The following ACAD11 variants were observed in gnomAD, a reference collection of about 807,000 sequenced individuals.
ACAD11 encodes acyl-CoA dehydrogenase family member 11.
In ACAD11, 83 loss-of-function variants were observed where a neutral mutation model predicts 102.2. The observed-to-expected ratio is 0.81, with a 90% confidence interval of 0.68 to 0.97. ACAD11 has a LOEUF of 0.97. ACAD11 is among the 50% of genes least tolerant of loss of function. The pLI, the probability that ACAD11 is intolerant of heterozygous loss-of-function variation, is 0.00. For missense variants in ACAD11, 901 were observed against 951.7 expected, an observed-to-expected ratio of 0.95 and a Z score of 0.70; for synonymous variants, 324 against 319.8, an observed-to-expected ratio of 1.01 and a Z score of -0.14.
At chr3:132,637,994 A>G (rs1216859316) in intron 5 of ACAD11, among the ~76,000 whole-genome samples, 1 of 152,082 alleles carries the variant, frequency 6.6e-6, no homozygotes, top group Non-Finnish European at 1.5e-5. Context: ...CCCTACAACC[A>G]CTGTTTAGGT....
intron 17 of ACAD11, among the ~76,000 whole-genome samples, chr3:132,569,277 A>G (rs1458860732): frequency 6.6e-6 from 1 of 152,208 alleles, no homozygotes; most frequent in Non-Finnish European, 1.5e-5. Context: ...TAAAGCCACA[A>G]TGAGATATCA....
At chr3:132,647,159 A>G (rs1408217391) in intron 1 of ACAD11, 4 of 152,340 alleles carry the variant, frequency 2.6e-5, no homozygotes, top group Middle Eastern at 6.8e-3. Flanking sequence ...AAGTGGTTAT[A>G]ACAAAGACAA....
At chr3:132,627,701 GGTC>G (rs1939881543) in intron 8 of ACAD11, among the ~76,000 whole-genome samples, 1 of 152,162 alleles carries the variant, frequency 6.6e-6, no homozygotes, top group South Asian at 2.1e-4. Flanking sequence ...GACCTGTAAA[GGTC>G]ATTATGAAGC....
At chr3:132,600,678 T>C (rs1489446760) in intron 13 of ACAD11, 2 of 1,613,896 alleles carry the variant, frequency 1.2e-6, no homozygotes, top group South Asian at 1.1e-5. Flanking sequence ...CTATTCACTC[T>C]GCCTTTTTGG....
chr3:132,605,123 G>T lies in ACAD11; in HGVS notation c.1497C>A (p.Asn499Lys). ...CTGTCATACAGAAGCAAGAGGTAAT[G>T]TTCCCTTGAAGAAGAGGCTCAAGCC... ...KQWLEPLLQG[N>K]ITSCFCMTEP... Residue 499 changes from asparagine to lysine, a missense_variant, in exon 12 of 20, where the codon AAC becomes AAA. Coordinates refer to ENST00000264990, the MANE Select transcript of ACAD11 (RefSeq NM_032169.5). The T allele has an allele frequency of 1.2e-6, 2 of 1,613,168 alleles. No individual in the cohort carries two copies. The highest frequency in any genetic ancestry group is 1.7e-6 in the Non-Finnish European group (2 of 1,179,272).
intron 13 of ACAD11, among the ~76,000 whole-genome samples, chr3:132,595,041 C>A (rs1332829564): frequency 6.6e-6 from 1 of 152,142 alleles, no homozygotes; most frequent in Non-Finnish European, 1.5e-5. Context: ...TTACAGCAAT[C>A]ACAGCATAAA....
chr3:132,628,560 G>T, intron 7 of ACAD11, 114 bp from the exon 8 acceptor site: 17 of 663,718 alleles, frequency 2.6e-5, no homozygotes, highest in Non-Finnish European at 3.7e-5. Flanking sequence ...GTATGAAGAC[G>T]TAAAACAGAC....
At chr3:132,642,636 T>C in intron 3 of ACAD11, 41 bp downstream of exon 3, 1 of 1,550,186 alleles carries the variant, frequency 6.5e-7, no homozygotes, top group Middle Eastern at 1.8e-4. Flanking sequence ...ACTTCATAAT[T>C]AAAAGTAAAA....
intron 9 of ACAD11, among the ~76,000 whole-genome samples, chr3:132,619,798 CTAGA>C (rs1470747863): frequency 6.6e-6 from 1 of 152,018 alleles, no homozygotes; most frequent in African/African-American, 2.4e-5. Flanking sequence ...ATATGACAAA[CTAGA>C]TAGTCATAGA....
chr3:132,658,483 T>C (rs545589781), intron 1 of ACAD11, among the ~76,000 whole-genome samples: 1 of 152,336 alleles, frequency 6.6e-6, no homozygotes, highest in East Asian at 1.9e-4. Context: ...AACGTTACTA[T>C]CTCCTTTTTG....
intron 18 of ACAD11, among the ~76,000 whole-genome samples, chr3:132,560,607 A>G (rs1325083960): frequency 6.6e-6 from 1 of 151,796 alleles, no homozygotes; most frequent in Non-Finnish European, 1.5e-5. Context: ...GGGTCTCACT[A>G]TGTTGCCCAG....
At chr3:132,576,861 A>T (rs1258225795) in intron 16 of ACAD11, 83 bp downstream of exon 16, 2 of 1,032,782 alleles carry the variant, frequency 1.9e-6, no homozygotes, top group Admixed American at 4.4e-5. Flanking sequence ...TCAGGTCTAA[A>T]TCTGGAAAGA....
chr3:132,604,916 T>C, intron 12 of ACAD11, 182 bp downstream of exon 12: 1 of 482,724 alleles, frequency 2.1e-6, no homozygotes, highest in Non-Finnish European at 3.8e-6. Context: ...GAGAGGATCA[T>C]ATTTTTCTGA....
At chr3:132,623,445 C>G (rs1330360320) in intron 9 of ACAD11, among the ~76,000 whole-genome samples, 2 of 152,032 alleles carry the variant, frequency 1.3e-5, no homozygotes, top group African/African-American at 4.8e-5. Context: ...ACATGTTACA[C>G]AGAGATTTGT....
At chr3:132,658,850 T>G (rs1444964762) in intron 1 of ACAD11, among the ~76,000 whole-genome samples, 1 of 152,216 alleles carries the variant, frequency 6.6e-6, no homozygotes, top group East Asian at 1.9e-4. Flanking sequence ...ATTTCATTAA[T>G]AAGACTAATC....
chr3:132,624,328 C>T (rs959713344), intron 9 of ACAD11, among the ~76,000 whole-genome samples: 2 of 150,894 alleles, frequency 1.3e-5, no homozygotes, highest in African/African-American at 2.4e-5. Context: ...AAAAAAAGGC[C>T]GGGCGTGGTG....
Position 132,561,176 on chromosome 3 carries a change from A to C in ACAD11, c.2043T>G (p.Ile681Met). ...TCAGAGTCAACAAGCGGATCTTCTC[A>C]ATGGCAATGCGGCTTTCAGCAATCC... ...AHWIAESRIA[I>M]EKIRLLTLKA... Residue 681 changes from isoleucine to methionine, a missense_variant, in exon 18 of 20, where the codon ATT (isoleucine) becomes ATG (methionine). Coordinates refer to ENST00000264990, the MANE Select transcript of ACAD11 (RefSeq NM_032169.5). The C allele has an allele frequency of 6.2e-7, 1 of 1,613,518 alleles. No homozygotes were observed. Among genetic ancestry groups the C allele is most frequent in the Non-Finnish European group, 8.5e-7 (1 of 1,179,640 alleles).
intron 13 of ACAD11, among the ~76,000 whole-genome samples, chr3:132,591,900 G>A (rs1255352218): frequency 1.3e-5 from 2 of 151,988 alleles, no homozygotes; most frequent in African/African-American, 2.4e-5. Flanking sequence ...TCCAAACAAA[G>A]CAAAGAAACA....
chr3:132,630,533 A>T lies in ACAD11; in HGVS notation c.867T>A (p.Ile289=), dbSNP rs757557734. ...TTCCCCTGCAGCGGCAATATATTGA[A>T]ATCAGTTCTTCCATTGATGGTATCC... The part of the protein sequence containing the change: ...NSGIPSMEEL[I]SIYCRCRGIN... Residue 289 remains isoleucine (I), a synonymous_variant, in exon 7 of 20, where the codon ATT becomes ATA. Coordinates refer to ENST00000264990, the MANE Select transcript of ACAD11 (RefSeq NM_032169.5). The T allele has an allele frequency of 3.7e-6, 6 of 1,611,788 alleles. No individual in the cohort carries two copies. The African/African-American group carries it at 8.0e-5, about 22-fold the overall frequency.
Sources: gnomAD v4.1 joint callset for allele counts (sites outside exome capture counted in the v4.1 genomes callset) on GRCh38, gnomAD v4.1.1 for gene constraint, MANE v1.5 for transcripts, NCBI Gene and HGNC (gene_info 2026-07-23, HGNC 2026-07-21) for gene names.